MYO3B: variants seen among roughly 807,000 people sequenced by gnomAD.
MYO3B encodes myosin-IIIb.
A neutral mutation model predicts 174.6 loss-of-function variants in MYO3B; 156 were observed. The observed-to-expected ratio is 0.89, with a 90% confidence interval of 0.78 to 1.02. The LOEUF (loss-of-function observed/expected upper bound fraction) is 1.02, where lower values mean the gene tolerates loss of function less well. Among genes scored for constraint, MYO3B ranks in the 50% least tolerant of loss-of-function variants. The pLI is 0.00. For missense variants in MYO3B, 1,632 were observed against 1,639.4 expected (o/e 1.00, Z 0.08); for synonymous variants, 563 against 569.1 (o/e 0.99, Z 0.15).
At position 170,543,440 on chromosome 2, in the gene MYO3B, T is replaced by A. The variant is rs555264187; in HGVS notation, c.3637-452T>A. On this transcript the variant is annotated intron_variant, in intron 31 of 34. Transcript: ENST00000408978. ...TTGAAAGGATGAAATGAAGAAAATG[T>A]ACAGTTTTTGCCAGTAACTCTGCTG... Among the ~76,000 whole-genome samples the A allele has an allele frequency of 1.6e-4, 25 of 152,324 alleles. No individual in the cohort carries two copies. The South Asian group carries it at 5.2e-3, about 32-fold the overall frequency.
chr2:170,544,098 T>A, intron 32 of MYO3B, 110 bp downstream of exon 32: 2 of 802,468 alleles, frequency 2.5e-6, no homozygotes, highest in Non-Finnish European at 3.9e-6. Flanking sequence ...GACCAAATGT[T>A]GGCAAAAAGT....
At chr2:170,236,511 T>C (rs1191265166) in intron 7 of MYO3B, among the ~76,000 whole-genome samples, 2 of 152,350 alleles carry the variant, frequency 1.3e-5, no homozygotes, top group African/African-American at 4.8e-5. Context: ...TGAAAACATA[T>C]GTATATCATA....
At chr2:170,186,304 C>T (rs570936837) in intron 1 of MYO3B, among the ~76,000 whole-genome samples, 62 of 121,046 alleles carry the variant, frequency 5.1e-4, no homozygotes, top group Non-Finnish European at 8.4e-4. Context: ...CTTCTATACC[C>T]AGTTTTTTTT....
intron 9 of MYO3B, among the ~76,000 whole-genome samples, chr2:170,378,450 C>T (rs1352587260): frequency 7.2e-5 from 11 of 152,160 alleles, no homozygotes; most frequent in Middle Eastern, 3.2e-3. Flanking sequence ...AGAATTTGAT[C>T]ACCTGTAAGC....
rs555076873 is a variant in MYO3B, at chr2:170,515,034, C to T, written c.3472+12C>T. On this transcript the variant is annotated intron_variant, in intron 29 of 34. Transcript: ENST00000408978. ...TGGTGACCATAAAGGTAGAGTCTTT[C>T]GAGATTTAGAATGAGTGTTCTAAAT... 1,608 of 1,610,184 alleles carry T rather than the reference C, an allele frequency of 1.0e-3. 26 individuals carry two copies. In the South Asian group the frequency reaches 0.016, roughly 16 times the overall value.
At position 170,199,402 on chromosome 2, in the gene MYO3B, G is replaced by C; in HGVS notation, c.186+11G>C. The C allele has an allele frequency of 6.4e-7, 1 of 1,574,360 alleles. No homozygotes were observed. The highest frequency in any genetic ancestry group is 8.6e-7 in the Non-Finnish European group (1 of 1,160,890). On this transcript the variant is annotated intron_variant, in intron 2 of 34. Coordinates refer to ENST00000408978, the MANE Select transcript of MYO3B (RefSeq NM_138995.5). ...CTGGATCCAGTCAGTGTAAGTAACAGTTGTAAATTATAACCAGAATTTGGT... is the reference window on the plus strand; with the variant it reads ...CTGGATCCAGTCAGTGTAAGTAACACTTGTAAATTATAACCAGAATTTGGT...
intron 32 of MYO3B, among the ~76,000 whole-genome samples, chr2:170,552,003 C>T (rs1575154216): frequency 6.6e-6 from 1 of 152,312 alleles, no homozygotes; most frequent in South Asian, 2.1e-4. Flanking sequence ...CCTGAAGCCT[C>T]TCCAGTCATG....
chr2:170,375,160 C>T (rs144649619), intron 9 of MYO3B, among the ~76,000 whole-genome samples: 27 of 152,238 alleles, frequency 1.8e-4, no homozygotes, highest in Admixed American at 4.6e-4. Context: ...TGCAAAAAGA[C>T]GACTTCTTCC....
intron 7 of MYO3B, among the ~76,000 whole-genome samples, chr2:170,278,618 A>T (rs996567490): frequency 6.6e-6 from 1 of 152,250 alleles, no homozygotes; most frequent in Admixed American, 6.5e-5. Flanking sequence ...AGAACATTCG[A>T]GTCCTCATTT....
chr2:170,628,583 C>T (rs576236800), intron 32 of MYO3B, among the ~76,000 whole-genome samples: 2 of 152,346 alleles, frequency 1.3e-5, no homozygotes, highest in Admixed American at 1.3e-4. Flanking sequence ...GAACCCGGTA[C>T]CTCAGTTGGA....
intron 8 of MYO3B, among the ~76,000 whole-genome samples, chr2:170,359,779 C>T (rs563372611): frequency 3.9e-4 from 60 of 152,286 alleles, no homozygotes; most frequent in African/African-American, 1.2e-3. Context: ...ACTTCGTCTG[C>T]GCTATTCTAG....
At chr2:170,491,924 C>T (rs1242760777) in intron 25 of MYO3B, among the ~76,000 whole-genome samples, 1 of 152,102 alleles carries the variant, frequency 6.6e-6, no homozygotes, top group East Asian at 1.9e-4. Context: ...TGTGGTGGCG[C>T]ATGCCTGCAA....
At chr2:170,441,443 C>G (rs2094800161) in intron 22 of MYO3B, among the ~76,000 whole-genome samples, 1 of 152,114 alleles carries the variant, frequency 6.6e-6, no homozygotes, top group East Asian at 1.9e-4. Context: ...AGAGAGGGTT[C>G]CTGGATCTTG....
At chr2:170,444,373 A>C (rs1400267292) in intron 23 of MYO3B, among the ~76,000 whole-genome samples, 1 of 152,230 alleles carries the variant, frequency 6.6e-6, no homozygotes, top group East Asian at 1.9e-4. Context: ...AGTGTTTCCT[A>C]TTGCTCTCCT....
intron 8 of MYO3B, among the ~76,000 whole-genome samples, chr2:170,352,916 C>T (rs1226078382): frequency 5.9e-5 from 9 of 152,156 alleles, no homozygotes; most frequent in Admixed American, 5.9e-4. Flanking sequence ...CCAAATGCTG[C>T]CAAGGATGTG....
intron 32 of MYO3B, among the ~76,000 whole-genome samples, chr2:170,550,402 A>G (rs1690798392): frequency 1.3e-5 from 2 of 152,198 alleles, no homozygotes; most frequent in Non-Finnish European, 2.9e-5. Flanking sequence ...AACCCACTGC[A>G]TAGTTTCCAA....
At chr2:170,652,235 C>A in intron 34 of MYO3B, 81 bp downstream of exon 34, 1 of 1,266,356 alleles carries the variant, frequency 7.9e-7, no homozygotes, top group Non-Finnish European at 1.1e-6. Flanking sequence ...CAAAACTTTC[C>A]AGAGAGGCTT....
At chr2:170,567,468 A>G (rs1479369902) in intron 32 of MYO3B, among the ~76,000 whole-genome samples, 1 of 152,254 alleles carries the variant, frequency 6.6e-6, no homozygotes, top group Admixed American at 6.5e-5. Context: ...ACCTAAAAGT[A>G]TGACATTCCT....
intron 22 of MYO3B, among the ~76,000 whole-genome samples, chr2:170,418,214 A>T (rs2094593269): frequency 6.6e-6 from 1 of 152,164 alleles, no homozygotes; most frequent in Admixed American, 6.5e-5. Context: ...TCCATGGCTG[A>T]GGGGCCTGTG....
Sources: gnomAD v4.1 joint callset for allele counts (sites outside exome capture counted in the v4.1 genomes callset) on GRCh38, gnomAD v4.1.1 for gene constraint, MANE v1.5 for transcripts, NCBI Gene and HGNC (gene_info 2026-07-23, HGNC 2026-07-21) for gene names.